LDHD: variants seen among roughly 807,000 people sequenced by gnomAD.
LDHD encodes lactate dehydrogenase D, also known as D-lactate dehydrogenase, mitochondrial.
LDHD carries 58 observed loss-of-function variants against 52.9 expected under a neutral mutation model. The ratio of observed to expected loss-of-function variants is 1.10; its 90% CI spans 0.89 to 1.36. LDHD has a LOEUF of 1.36. Ranked by LOEUF, LDHD falls within the 40% of genes most tolerant of loss-of-function variation. The pLI, the probability that LDHD is intolerant of heterozygous loss-of-function variation, is 0.00. For synonymous variants in LDHD, 350 were observed against 288.6 expected, an observed-to-expected ratio of 1.21 and a Z score of -2.16; for missense variants, 747 against 668.0, an observed-to-expected ratio of 1.12 and a Z score of -1.30.
Position 75,112,520 on chromosome 16 carries a change from G to T in LDHD, c.1291C>A (p.Arg431=), listed in dbSNP as rs758836564. ...VKAFAEQLGR[R]ALALHGTCTG... ...CACGTTCCGTGGAGAGCCAGTGCCC[G>T]CCTGGGGGCAGGAAGGAGACATCCT... Residue 431 remains arginine, a splice_region_variant and synonymous_variant, in exon 11 of 11, where the codon CGG becomes AGG. Transcript: ENST00000450168. The T allele has an allele frequency of 1.2e-6, 2 of 1,612,928 alleles. No individual in the cohort carries two copies. The highest frequency in any genetic ancestry group is 1.1e-5 in the South Asian group (1 of 91,058).
At chr16:75,113,247 C>A (rs565600177) in intron 8 of LDHD, among the ~76,000 whole-genome samples, 1 of 152,318 alleles carries the variant, frequency 6.6e-6, no homozygotes, top group South Asian at 2.1e-4. Flanking sequence ...TCTCTTCCTC[C>A]AGGAAGCCTT....
rs1434547648 is a variant in LDHD at position 75,114,601 on chromosome 16, T to C, written c.554A>G (p.Asp185Gly). 7 of 1,534,668 alleles carry C rather than the reference T, an allele frequency of 4.6e-6. No individual in the cohort carries two copies. In the South Asian group the frequency reaches 7.1e-5, roughly 16 times the overall value. Residue 185 changes from aspartate to glycine, a missense_variant, in exon 5 of 11, where the codon GAC (aspartate) becomes GGC (glycine). Asp to Gly is a moderately conservative substitution (Grantham distance 94). Transcript: ENST00000450168. Reference sequence around the variant, plus strand: ...CACCACCTCCAGGTTGAGCACGTTGTCCCGCATGGTGCCGTAGCGGACCGC... The same window carrying C: ...CACCACCTCCAGGTTGAGCACGTTGCCCCGCATGGTGCCGTAGCGGACCGC... Reference protein sequence around the residue: ...TNAVRYGTMRDNVLNLEVVLP... With the variant: ...TNAVRYGTMRGNVLNLEVVLP...
chr16:75,112,732 G>C lies in LDHD; in HGVS notation c.1178-19C>G. On this transcript the variant is annotated intron_variant, in intron 9 of 10. Transcript: ENST00000450168. ...ATGCTTCCTGGGGGCCCAGAGGACA[G>C]AACTATTCTCCAGCCCAGTCCTCCT... 6.2e-7 allele frequency: 1 copy of C among 1,609,940 alleles called. No individual in the cohort carries two copies. The highest frequency in any genetic ancestry group is 8.5e-7 in the Non-Finnish European group (1 of 1,176,492).
rs372986804 is a variant in LDHD at position 75,112,459 on chromosome 16, T to G, written c.1352A>C (p.Gln451Pro). 470 of 1,613,338 alleles carry G rather than the reference T, an allele frequency of 2.9e-4. No individual in the cohort carries two copies. Among genetic ancestry groups the G allele is most frequent in the Admixed American group, 6.2e-4 (37 of 59,996 alleles). The change falls in exon 11 of 11, where the codon CAG becomes CCG. Residue 451 changes from glutamine (Q) to proline (P), a missense_variant. Transcript: ENST00000450168. ...GGCGCCCACCTCCTCCTGCAGCAGC[T>G]GCCGCTTGCCCATTCCGATGCCATG... is the stretch of plus-strand genomic sequence containing the variant. ...GEHGIGMGKR[Q>P]LLQEEVGAVG...
rs1432018694 is a variant in LDHD, at chr16:75,114,456, C to G, written c.629+70G>C. The G allele has an allele frequency of 5.6e-6, 8 of 1,418,930 alleles. No homozygotes were observed. In the African/African-American group the frequency reaches 5.8e-5, roughly 10 times the overall value. The allele number at this position is 1,418,930 out of a possible 1,614,324, so 87.9% of individuals were successfully genotyped here. ...CCGCCAGGAGGTGCTTTTCACAGCC[C>G]GGTCTCTGCAGGGCAGCCCGCCAGC... On this transcript the variant is annotated intron_variant, in intron 5 of 10. Transcript: ENST00000450168.
chr16:75,112,437 G>A lies in LDHD; in HGVS notation c.1374C>T (p.Gly458=), dbSNP rs150088081. 7.3e-4 allele frequency: 1,181 copies of A among 1,613,432 alleles called. 16 individuals carry two copies. The South Asian group carries it at 0.012, about 16-fold the overall frequency. Residue 458 remains glycine (G), a synonymous_variant, in exon 11 of 11, where the codon GGC becomes GGT. Transcript: ENST00000450168. ...GKRQLLQEEV[G]AVGVETMRQL... ...GCCGCATGGTCTCCACGCCCACGGC[G>A]CCCACCTCCTCCTGCAGCAGCTGCC...
In LDHD at chr16:75,114,899, C is replaced by A. The variant is rs1228548380; in HGVS notation, c.397G>T (p.Val133Leu). ...LELNQEDFSVVVEPGVTRKAL... is the reference protein window; with the variant it reads ...LELNQEDFSVLVEPGVTRKAL... The stretch of plus-strand genomic sequence containing the variant: ...TTGCGGGTGACACCTGGCTCCACCA[C>A]CACAGAGAAGTCCTCCTGGTTCAGC... Residue 133 changes from valine (V) to leucine (L), a missense_variant, in exon 4 of 11, where the codon GTG (valine) becomes TTG (leucine). Physicochemically the swap from Val to Leu is conservative, Grantham distance 32 (BLOSUM62 1). Transcript: ENST00000450168. 5 of 1,613,958 alleles carry A rather than the reference C, an allele frequency of 3.1e-6. No homozygotes were observed. Among genetic ancestry groups the A allele is most frequent in the Non-Finnish European group, 4.2e-6 (5 of 1,180,030 alleles).
chr16:75,112,227 G>C lies in LDHD; in HGVS notation c.*129C>G, dbSNP rs912099921. The C allele has an allele frequency of 8.7e-7, 1 of 1,155,642 alleles. No homozygotes were observed. Among genetic ancestry groups the C allele is most frequent in the Non-Finnish European group, 1.2e-6 (1 of 820,350 alleles). The allele number at this position is 1,155,642 out of a possible 1,614,324, so 71.6% of individuals were successfully genotyped here. On this transcript the variant is annotated 3_prime_UTR_variant, in exon 11 of 11. Transcript: ENST00000450168. ...TCTGGGCCCTCTGGCCTTGGGCCCA[G>C]ATACAGTGGGCTCGCTGGCAGGAAG...
intron 1 of LDHD, 175 bp downstream of exon 1, chr16:75,116,474 T>C (rs2036559269): frequency 1.8e-6 from 1 of 551,696 alleles, no homozygotes; most frequent in Non-Finnish European, 3.2e-6. Context: ...GGGACTCAGC[T>C]GATCTCACTC....
At chr16:75,112,961 A>C (rs747063727) in intron 8 of LDHD, 37 bp from the exon 9 acceptor site, 1 of 1,516,094 alleles carries the variant, frequency 6.6e-7, no homozygotes. Flanking sequence ...CCCCTGCCTG[A>C]TTGGGTGTAC....
Position 75,113,763 on chromosome 16 carries a change from C to A in LDHD, c.937G>T (p.Glu313Ter). 6.2e-7 allele frequency: 1 copy of A among 1,613,892 alleles called. No individual in the cohort carries two copies. The highest frequency in any genetic ancestry group is 8.5e-7 in the Non-Finnish European group (1 of 1,180,000). The change falls in exon 7 of 11, where the codon GAG (glutamate) becomes TAG (stop). Residue 313 changes from glutamate (E) to a stop codon, truncating the protein, a stop_gained. Coordinates refer to ENST00000450168, the MANE Select transcript of LDHD (RefSeq NM_194436.3). LOFTEE classifies it high-confidence loss of function. ...LEFHGSQQAL[E>*]EQLQRTEEIV... is the part of the protein sequence containing the mutation. ...ATACCTGTGCGCTGCAGCTGCTCCT[C>A]CAGTGCCTGCTGGGAGCCATGGAAC...
intron 8 of LDHD, 26 bp from the exon 9 acceptor site, chr16:75,112,950 AC>A (rs762145070): frequency 1.9e-6 from 3 of 1,568,656 alleles, no homozygotes; most frequent in Non-Finnish European, 2.6e-6. Context: ...CCTATGAGTT[AC>A]CCCTGCCTGA....
chr16:75,113,970 G>C lies in LDHD; in HGVS notation c.825C>G (p.Arg275=). The C allele has an allele frequency of 6.3e-7, 1 of 1,599,814 alleles. No homozygotes were observed. The highest frequency in any genetic ancestry group is 8.5e-7 in the Non-Finnish European group (1 of 1,172,466). ...CTGCCCCCATCCTCAGCTCACCAAT[G>C]CGGGCTACGGGCACTGCAGCCTGGA... The part of the protein sequence containing the change: ...HILQAAVPVA[R]IEFLDEVMMD... Residue 275 remains arginine, a synonymous_variant, in exon 6 of 11, where the codon CGC becomes CGG. Coordinates refer to ENST00000450168, the MANE Select transcript of LDHD (RefSeq NM_194436.3).
chr16:75,114,753 G>C (rs1214389880), intron 4 of LDHD, 68 bp from the exon 5 acceptor site: 16 of 1,566,908 alleles, frequency 1.0e-5, no homozygotes, highest in Non-Finnish European at 1.4e-5. Flanking sequence ...GGGGGAGGAA[G>C]GTCCCCTGAA....
At chr16:75,116,622 C>T in intron 1 of LDHD, 27 bp downstream of exon 1, 10 of 1,591,876 alleles carry the variant, frequency 6.3e-6, no homozygotes, top group Non-Finnish European at 8.6e-6. Context: ...CTCATCCCTC[C>T]AGAGGACTTC....
chr16:75,115,421 C>A, intron 2 of LDHD, 82 bp from the exon 3 acceptor site: 1 of 1,597,204 alleles, frequency 6.3e-7, no homozygotes, highest in Non-Finnish European at 8.6e-7. Context: ...CTACAGCAAG[C>A]GAGGGGCAGA....
At chr16:75,116,463 G>T (rs2036559063) in intron 1 of LDHD, 186 bp downstream of exon 1, 1 of 527,310 alleles carries the variant, frequency 1.9e-6, no homozygotes. Flanking sequence ...TGGTAGCAGT[G>T]GGGACTCAGC....
rs778873228 is a variant in LDHD, at chr16:75,115,213, G to T, written c.312C>A (p.Gly104=). Reference sequence around the variant, plus strand: ...CCCACTGTACCTGCACAGCACAGACGCCACCCTCAAGCCCGGTGCCGGTGC... The same window carrying T: ...CCCACTGTACCTGCACAGCACAGACTCCACCCTCAAGCCCGGTGCCGGTGC... The part of the protein sequence containing the change: ...PFGTGTGLEG[G]VCAVQGGVCV... The change falls in exon 3 of 11, where the codon GGC becomes GGA. Residue 104 remains glycine (G), a synonymous_variant. Transcript: ENST00000450168. 3.7e-6 allele frequency: 6 copies of T among 1,612,570 alleles called. No individual in the cohort carries two copies. The Admixed American group carries it at 8.3e-5, about 22-fold the overall frequency.
rs748141881 is a variant in LDHD at position 75,113,951 on chromosome 16, C to T, written c.829+15G>A. The T allele has an allele frequency of 1.9e-6, 3 of 1,603,378 alleles. No individual in the cohort carries two copies. The highest frequency in any genetic ancestry group is 2.2e-5 in the South Asian group (2 of 90,040). ...TCCAGGGAGCCCACCCTGACTGCCC[C>T]CATCCTCAGCTCACCAATGCGGGCT... On this transcript the variant is annotated intron_variant, in intron 6 of 10. Coordinates refer to ENST00000450168, the MANE Select transcript of LDHD (RefSeq NM_194436.3).
Sources: gnomAD v4.1 joint callset for allele counts (sites outside exome capture counted in the v4.1 genomes callset) on GRCh38, gnomAD v4.1.1 for gene constraint, MANE v1.5 for transcripts, NCBI Gene and HGNC (gene_info 2026-07-23, HGNC 2026-07-21) for gene names.